Variants in GRK4 observed in about 807,000 individuals in gnomAD.
GRK4 encodes G protein-coupled receptor kinase 4, also known as G protein-coupled receptor kinase 2-like.
A neutral mutation model predicts 77.9 loss-of-function variants in GRK4; 73 were observed. The observed-to-expected ratio is 0.94, with a 90% CI of 0.78 to 1.14. The LOEUF is 1.14. Among genes scored for constraint, GRK4 ranks in the 50% most tolerant of loss-of-function variants. The pLI is 0.00. For missense variants in GRK4, 729 were observed against 700.2 expected (o/e 1.04, Z -0.46); for synonymous variants, 257 against 254.4 (o/e 1.01, Z -0.10).
rs3021141 is a variant in GRK4 at position 2,976,796 on chromosome 4, C to T, written c.53-7717C>T. 2.0e-5 allele frequency among the ~76,000 whole-genome samples: 3 copies of T among 151,998 alleles called. No individual in the cohort carries two copies. In the East Asian group the frequency reaches 5.8e-4, roughly 29 times the overall value. On this transcript the variant is annotated intron_variant, in intron 1 of 15. Transcript: ENST00000398052. ...CTGGGATTGCAGGCACATGCCACCA[C>T]GTCCGGCTAATTTTGTATTTTTAGT...
At chr4:2,982,676 A>T (rs1723170345) in intron 1 of GRK4, among the ~76,000 whole-genome samples, 1 of 152,250 alleles carries the variant, frequency 6.6e-6, no homozygotes, top group Non-Finnish European at 1.5e-5. Context: ...CCCAAAGAAC[A>T]GTTCTTATTT....
chr4:3,037,888 T>C (rs1198204440), intron 14 of GRK4, among the ~76,000 whole-genome samples: 1 of 151,232 alleles, frequency 6.6e-6, no homozygotes, highest in East Asian at 1.9e-4. Context: ...GTACTCCACC[T>C]TGGGCGACAG....
chr4:2,981,530 C>T (rs181529905), intron 1 of GRK4, among the ~76,000 whole-genome samples: 188 of 152,322 alleles, frequency 1.2e-3, no homozygotes, highest in African/African-American at 4.1e-3. Flanking sequence ...GATGAGTATA[C>T]AGCCCTCAGT....
Position 3,016,733 on chromosome 4 carries a change from A to G in GRK4, c.741+2905A>G, listed in dbSNP as rs536779014. Among the ~76,000 whole-genome samples the G allele has an allele frequency of 2.6e-5, 4 of 152,122 alleles. No homozygotes were observed. The South Asian group carries it at 8.3e-4, about 32-fold the overall frequency. ...AGCAAAACAAAAAAAAAAATACAAA[A>G]AAACAAAACAAAAAAAACCCCCGTG... On this transcript the variant is annotated intron_variant, in intron 8 of 15. Coordinates refer to ENST00000398052, the MANE Select transcript of GRK4 (RefSeq NM_182982.3).
intron 11 of GRK4, among the ~76,000 whole-genome samples, chr4:3,028,296 G>A (rs1331124676): frequency 6.6e-6 from 1 of 152,186 alleles, no homozygotes; most frequent in Non-Finnish European, 1.5e-5. Context: ...CACTCTACCA[G>A]TGTCCTCCCC....
intron 8 of GRK4, among the ~76,000 whole-genome samples, chr4:3,017,465 G>A (rs778173078): frequency 2.4e-4 from 37 of 152,294 alleles, no homozygotes; most frequent in Non-Finnish European, 3.1e-4. Context: ...CAAGGCTGGC[G>A]TGATAAAAGA....
intron 10 of GRK4, among the ~76,000 whole-genome samples, chr4:3,025,294 C>T (rs1357025520): frequency 1.3e-5 from 2 of 150,108 alleles, no homozygotes; most frequent in East Asian, 1.9e-4. Flanking sequence ...AAAAAAGTCA[C>T]TCAGTATCAT....
intron 8 of GRK4, among the ~76,000 whole-genome samples, chr4:3,018,244 G>A (rs538384611): frequency 6.6e-6 from 1 of 152,206 alleles, no homozygotes; most frequent in East Asian, 1.9e-4. Flanking sequence ...ATCATTGTAT[G>A]TGGAGACATT....
intron 4 of GRK4, among the ~76,000 whole-genome samples, chr4:3,001,980 C>G (rs935609409): frequency 1.3e-5 from 2 of 152,068 alleles, no homozygotes; most frequent in African/African-American, 4.8e-5. Context: ...TTTCCTTTTT[C>G]CAGAATTCTC....
intron 10 of GRK4, among the ~76,000 whole-genome samples, chr4:3,027,115 C>T (rs1269601505): frequency 6.6e-6 from 1 of 152,186 alleles, no homozygotes; most frequent in Non-Finnish European, 1.5e-5. Context: ...TCATGGTTCA[C>T]CGCAGCCTCG....
chr4:2,976,609 C>G (rs532381532), intron 1 of GRK4, among the ~76,000 whole-genome samples: 1 of 149,908 alleles, frequency 6.7e-6, no homozygotes, highest in East Asian at 2.0e-4. Flanking sequence ...GACACATTCT[C>G]AAGCTTGAAT....
intron 4 of GRK4, among the ~76,000 whole-genome samples, chr4:2,998,446 C>G (rs1728595352): frequency 6.6e-6 from 1 of 151,834 alleles, no homozygotes; most frequent in Non-Finnish European, 1.5e-5. Flanking sequence ...ATAGAAAATT[C>G]TAAGAAATTC....
At chr4:2,989,377 A>G (rs1028708921) in intron 3 of GRK4, among the ~76,000 whole-genome samples, 9 of 152,194 alleles carry the variant, frequency 5.9e-5, no homozygotes, top group African/African-American at 2.2e-4. Flanking sequence ...CTTGAATTGT[A>G]TGAAGATGAC....
At chr4:2,965,810 G>A (rs531166941) in intron 1 of GRK4, 2 of 301,686 alleles carry the variant, frequency 6.6e-6, no homozygotes, top group Admixed American at 4.8e-5. Flanking sequence ...GGGAGTCCCA[G>A]AGCAGTATGC....
intron 7 of GRK4, among the ~76,000 whole-genome samples, chr4:3,010,752 G>A (rs939756245): frequency 2.0e-5 from 3 of 152,300 alleles, no homozygotes; most frequent in Non-Finnish European, 2.9e-5. Flanking sequence ...TACACTGCCC[G>A]GGTGTGACTC....
At chr4:2,982,113 C>T (rs945449552) in intron 1 of GRK4, among the ~76,000 whole-genome samples, 2 of 152,256 alleles carry the variant, frequency 1.3e-5, no homozygotes, top group Non-Finnish European at 2.9e-5. Flanking sequence ...TTCCTGGGCT[C>T]CTGAGAGCAC....
chr4:2,965,187 T>C (rs2109346631), intron 1 of GRK4: 1 of 673,108 alleles, frequency 1.5e-6, no homozygotes, highest in East Asian at 2.7e-5. Context: ...TCCACTGAGC[T>C]GGTGCGTACC....
chr4:3,001,513 C>T (rs920963742), intron 4 of GRK4, among the ~76,000 whole-genome samples: 13 of 151,526 alleles, frequency 8.6e-5, no homozygotes, highest in African/African-American at 3.2e-4. Flanking sequence ...ATTACAGGTG[C>T]CTGCCACCAT....
intron 1 of GRK4, among the ~76,000 whole-genome samples, chr4:2,973,107 A>T (rs2109425338): frequency 6.6e-6 from 1 of 152,124 alleles, no homozygotes; most frequent in East Asian, 1.9e-4. Flanking sequence ...CCACCACCTC[A>T]CCAAAGCCAC....
Sources: gnomAD v4.1 joint callset for allele counts (sites outside exome capture counted in the v4.1 genomes callset) on GRCh38, gnomAD v4.1.1 for gene constraint, MANE v1.5 for transcripts, NCBI Gene and HGNC (gene_info 2026-07-23, HGNC 2026-07-21) for gene names.